DAB1: variants seen among roughly 807,000 people sequenced by gnomAD.
The protein encoded by DAB1 is DAB adaptor protein 1, also known as disabled homolog 1.
In DAB1, 15 loss-of-function variants were observed where a neutral mutation model predicts 64.6. That is an observed-to-expected ratio of 0.23 (90% CI 0.16 to 0.36). DAB1 has a LOEUF of 0.36. DAB1 is among the 10% of genes least tolerant of loss of function. The pLI, the probability that DAB1 is intolerant of heterozygous loss-of-function variation, is 1.00. For missense variants in DAB1, 596 were observed against 706.7 expected, an observed-to-expected ratio of 0.84 and a Z score of 1.78; for synonymous variants, 235 against 251.9, an observed-to-expected ratio of 0.93 and a Z score of 0.64.
At chr1:57,631,357 G>A (rs552152653) in intron 7 of DAB1, among the ~76,000 whole-genome samples, 7 of 152,248 alleles carry the variant, frequency 4.6e-5, no homozygotes, top group African/African-American at 1.7e-4. Context: ...AGCAAGTAAA[G>A]CTTGCATAAA....
chr1:57,229,340 G>A (rs891984169), intron 2 of DAB1, among the ~76,000 whole-genome samples: 5 of 151,736 alleles, frequency 3.3e-5, no homozygotes, highest in African/African-American at 9.7e-5. Flanking sequence ...GACTATAGGT[G>A]TGCACCACTA....
At chr1:57,198,721 G>C (rs1036083425) in intron 2 of DAB1, among the ~76,000 whole-genome samples, 5 of 150,040 alleles carry the variant, frequency 3.3e-5, no homozygotes, top group African/African-American at 1.2e-4. Context: ...AGTAAAAAAA[G>C]GTTTCCAGAG....
intron 4 of DAB1, among the ~76,000 whole-genome samples, chr1:58,242,301 A>G (rs143836441): frequency 5.1e-4 from 77 of 152,206 alleles, no homozygotes; most frequent in Admixed American, 9.2e-4. Flanking sequence ...GAATGTATGT[A>G]TTTGCAAATG....
intron 4 of DAB1, among the ~76,000 whole-genome samples, chr1:58,301,094 A>T (rs1421280085): frequency 3.9e-5 from 6 of 152,050 alleles, no homozygotes; most frequent in African/African-American, 1.4e-4. Flanking sequence ...CATGGTTCAA[A>T]AATGTTCAGG....
intron 1 of DAB1, among the ~76,000 whole-genome samples, chr1:57,326,098 C>T (rs987762326): frequency 3.9e-5 from 6 of 152,224 alleles, no homozygotes; most frequent in African/African-American, 1.4e-4. Flanking sequence ...GTACTCCCTG[C>T]CCTCAAGGAG....
chr1:57,145,257 C>T, intron 3 of DAB1, 33 bp downstream of exon 3: 1 of 1,606,482 alleles, frequency 6.2e-7, no homozygotes, highest in Non-Finnish European at 8.5e-7. Flanking sequence ...ACATTAAACA[C>T]AAAGTATTGA....
At chr1:58,533,909 C>A in intron 1 of DAB1, 5 of 849,938 alleles carry the variant, frequency 5.9e-6, no homozygotes, top group Non-Finnish European at 1.0e-5. Flanking sequence ...TTGTTAACTT[C>A]AAAGCAGTTT....
chr1:57,830,987 C>T (rs939771759), intron 1 of DAB1, among the ~76,000 whole-genome samples: 1 of 152,146 alleles, frequency 6.6e-6, no homozygotes, highest in African/African-American at 2.4e-5. Context: ...AATCTCGGCT[C>T]ACTGCAAGCT....
chr1:58,042,646 G>A (rs1647154255), intron 5 of DAB1, among the ~76,000 whole-genome samples: 1 of 152,190 alleles, frequency 6.6e-6, no homozygotes, highest in South Asian at 2.1e-4. Flanking sequence ...GACAGAAGTT[G>A]GGAAAGGATA....
intron 3 of DAB1, among the ~76,000 whole-genome samples, chr1:57,144,433 C>G (rs970425163): frequency 6.6e-6 from 1 of 152,000 alleles, no homozygotes; most frequent in African/African-American, 2.4e-5. Context: ...CAGTGGCTCA[C>G]GCCTGTAATC....
intron 3 of DAB1, among the ~76,000 whole-genome samples, chr1:58,476,637 A>G (rs185373978): frequency 7.9e-5 from 12 of 152,356 alleles, no homozygotes; most frequent in Admixed American, 2.0e-4. Flanking sequence ...TACAGATTAA[A>G]GAATTCTCTA....
intron 5 of DAB1, among the ~76,000 whole-genome samples, chr1:58,099,585 C>T: frequency 6.6e-6 from 1 of 152,170 alleles, no homozygotes; most frequent in Admixed American, 6.5e-5. Flanking sequence ...ATGGCACAGG[C>T]ACCAAGAAGA....
At chr1:57,802,870 G>A (rs1017143389) in intron 6 of DAB1, among the ~76,000 whole-genome samples, 1 of 152,190 alleles carries the variant, frequency 6.6e-6, no homozygotes, top group African/African-American at 2.4e-5. Context: ...TTAAATAGCA[G>A]TGTGAGAACA....
intron 3 of DAB1, among the ~76,000 whole-genome samples, chr1:58,455,801 G>A (rs1319745818): frequency 6.6e-6 from 1 of 152,206 alleles, no homozygotes; most frequent in Non-Finnish European, 1.5e-5. Context: ...TTCTGTGGTT[G>A]AACAAGTGAG....
At chr1:57,610,981 A>T (rs1570672367) in intron 7 of DAB1, among the ~76,000 whole-genome samples, 1 of 152,256 alleles carries the variant, frequency 6.6e-6, no homozygotes, top group Non-Finnish European at 1.5e-5. Context: ...CTGGATGCTT[A>T]TCTTTCTTTT....
intron 6 of DAB1, among the ~76,000 whole-genome samples, chr1:57,730,581 G>C (rs938513905): frequency 1.3e-5 from 2 of 152,202 alleles, no homozygotes; most frequent in African/African-American, 4.8e-5. Context: ...AAGGTCAGTG[G>C]AGGGCCTATA....
intron 4 of DAB1, among the ~76,000 whole-genome samples, chr1:58,315,360 G>A (rs1294919965): frequency 6.6e-6 from 1 of 152,134 alleles, no homozygotes; most frequent in Non-Finnish European, 1.5e-5. Flanking sequence ...TACTCCATTT[G>A]TGCCAAATTC....
intron 1 of DAB1, chr1:57,863,332 T>A (rs1290255556): frequency 1.3e-5 from 2 of 152,144 alleles, no homozygotes; most frequent in African/African-American, 4.8e-5. Flanking sequence ...TGGGCTATGA[T>A]GGATATATTT....
chr1:58,184,587 A>T (rs1219566108), intron 4 of DAB1, among the ~76,000 whole-genome samples: 2 of 152,166 alleles, frequency 1.3e-5, no homozygotes, highest in Non-Finnish European at 2.9e-5. Context: ...AATGCAGTAG[A>T]ATCAGCTAAA....
Sources: gnomAD v4.1 joint callset for allele counts (sites outside exome capture counted in the v4.1 genomes callset) on GRCh38, gnomAD v4.1.1 for gene constraint, MANE v1.5 for transcripts, NCBI Gene and HGNC (gene_info 2026-07-23, HGNC 2026-07-21) for gene names.